The following MYO16 variants were observed in gnomAD, a reference collection of about 807,000 sequenced individuals.
MYO16 encodes myosin XVI.
A neutral mutation model predicts 205.3 loss-of-function variants in MYO16; 94 were observed. The observed-to-expected ratio is 0.46, with a 90% CI of 0.39 to 0.54. The LOEUF is 0.54. MYO16 is among the 20% of genes least tolerant of loss of function. The probability of loss-of-function intolerance (pLI) is 0.00; values close to 1 mark genes in which losing one functional copy is unlikely to be tolerated. For synonymous variants in MYO16, 988 were observed against 954.0 expected (o/e 1.04, Z -0.66); for missense variants, 2,315 against 2,387.5 (o/e 0.97, Z 0.63).
intron 24 of MYO16, among the ~76,000 whole-genome samples, chr13:109,049,663 G>A (rs1887173308): frequency 1.3e-5 from 2 of 151,914 alleles, no homozygotes; most frequent in African/African-American, 4.8e-5. Flanking sequence ...AGAATAAAAT[G>A]TTGCATTGCT....
In MYO16 at chr13:109,141,517, A is replaced by T. The variant is rs1459189286; in HGVS notation, c.5164+141A>T. 2.1e-5 allele frequency: 11 copies of T among 521,832 alleles called. No homozygotes were observed. Among genetic ancestry groups the T allele is most frequent in the African/African-American group, 6.1e-5 (3 of 48,858 alleles). 32.3% of individuals were successfully genotyped at this position (521,832 alleles called of 1,614,324 possible). On this transcript the variant is annotated intron_variant, in intron 32 of 34. Coordinates refer to ENST00000457511, the MANE Select transcript of MYO16 (RefSeq NM_001198950.3). This position sits in a 1 kb window ranked among gnomAD's most constrained non-coding sequence, Gnocchi z 4.1. ...GTCGTTCAGAGCAGATATCAGCTTT[A>T]AAAAAAAATCGTATACACCCACTGT... is the stretch of plus-strand genomic sequence containing the variant.
chr13:108,911,302 G>T (rs776937730), intron 16 of MYO16, among the ~76,000 whole-genome samples: 1 of 152,160 alleles, frequency 6.6e-6, no homozygotes, highest in Non-Finnish European at 1.5e-5. Context: ...TTAATAAACA[G>T]GTTGGTAATA....
intron 2 of MYO16, among the ~76,000 whole-genome samples, chr13:108,680,601 A>T (rs1566546672): frequency 6.6e-6 from 1 of 152,184 alleles, no homozygotes; most frequent in Non-Finnish European, 1.5e-5. Context: ...ACTTTTTAAA[A>T]CACCTTGAGG....
the MYO16 span, among the ~76,000 whole-genome samples, chr13:108,501,496 C>T: frequency 2.0e-5 from 3 of 152,238 alleles, no homozygotes; most frequent in Admixed American, 1.3e-4. Context: ...GAGACTGAAT[C>T]ATTTATTCAG....
At chr13:108,720,480 A>G (rs1884120967) in intron 3 of MYO16, among the ~76,000 whole-genome samples, 1 of 152,228 alleles carries the variant, frequency 6.6e-6, no homozygotes, top group Non-Finnish European at 1.5e-5. Flanking sequence ...CTGAGAACTC[A>G]TAAACATAGG....
At chr13:108,820,965 A>C (rs2139016549) in intron 8 of MYO16, among the ~76,000 whole-genome samples, 1 of 152,180 alleles carries the variant, frequency 6.6e-6, no homozygotes, top group South Asian at 2.1e-4. Context: ...CCTTTTGTAT[A>C]TTCATATACT....
intron 23 of MYO16, among the ~76,000 whole-genome samples, chr13:109,040,205 A>G (rs1886836321): frequency 6.6e-6 from 1 of 152,138 alleles, no homozygotes; most frequent in African/African-American, 2.4e-5. Flanking sequence ...AAAGCTTCCT[A>G]TTCCAGATTG....
At chr13:108,729,435 G>T (rs1010885828) in intron 4 of MYO16, among the ~76,000 whole-genome samples, 9 of 152,234 alleles carry the variant, frequency 5.9e-5, no homozygotes, top group African/African-American at 2.2e-4. Flanking sequence ...TCAACTAGCT[G>T]CTTTAATTAT....
intron 27 of MYO16, among the ~76,000 whole-genome samples, chr13:109,080,622 T>G (rs997390818): frequency 3.9e-5 from 6 of 152,006 alleles, no homozygotes; most frequent in Admixed American, 6.6e-5. Context: ...AACTGCCACC[T>G]TCTTTGTCCA....
At chr13:109,185,659 T>A (rs1374614672) in intron 34 of MYO16, among the ~76,000 whole-genome samples, 1 of 152,232 alleles carries the variant, frequency 6.6e-6, no homozygotes, top group East Asian at 1.9e-4. Flanking sequence ...TCACCTTTAA[T>A]AAGTCTTAAC....
At chr13:108,815,285 T>C (rs1304287966) in intron 7 of MYO16, among the ~76,000 whole-genome samples, 1 of 152,164 alleles carries the variant, frequency 6.6e-6, no homozygotes, top group Non-Finnish European at 1.5e-5. Context: ...GCAGAACCTG[T>C]CAATATATTA....
At chr13:108,608,427 T>C (rs1284689089) in intron 1 of MYO16, among the ~76,000 whole-genome samples, 1 of 152,142 alleles carries the variant, frequency 6.6e-6, no homozygotes, top group Non-Finnish European at 1.5e-5. Context: ...GTCTTAAAGC[T>C]TTCTCATCGG....
chr13:108,530,973 A>G, the MYO16 span, among the ~76,000 whole-genome samples: 1 of 151,814 alleles, frequency 6.6e-6, no homozygotes, highest in Non-Finnish European at 1.5e-5. Context: ...TGTTACCTTC[A>G]TAGTTATGGA....
At chr13:108,595,670 A>G (rs1878530546), upstream of MYO16, among the ~76,000 whole-genome samples, 5 of 152,036 alleles carry the variant, frequency 3.3e-5, no homozygotes, top group South Asian at 8.3e-4. Context: ...ACTTGGCCCT[A>G]AGCAGCCTCT....
intron 1 of MYO16, among the ~76,000 whole-genome samples, chr13:108,611,479 A>G (rs1366142462): frequency 6.6e-6 from 1 of 152,226 alleles, no homozygotes; most frequent in Non-Finnish European, 1.5e-5. Flanking sequence ...CCTCACCAAG[A>G]GCCTTATAAA....
chr13:108,774,365 C>G (rs1179665353), intron 4 of MYO16, among the ~76,000 whole-genome samples: 2 of 152,164 alleles, frequency 1.3e-5, no homozygotes, highest in East Asian at 3.9e-4. Context: ...ACTCCAGAAA[C>G]ATAGTTTAGG....
At chr13:108,847,639 G>A (rs570473963) in intron 10 of MYO16, among the ~76,000 whole-genome samples, 50 of 151,896 alleles carry the variant, frequency 3.3e-4, no homozygotes, top group South Asian at 2.1e-3. Flanking sequence ...CTTATCAAAT[G>A]GTAACTGTGT....
At chr13:108,657,728 A>T (rs567245450) in intron 1 of MYO16, among the ~76,000 whole-genome samples, 1 of 152,306 alleles carries the variant, frequency 6.6e-6, no homozygotes, top group Non-Finnish European at 1.5e-5. Flanking sequence ...TAGCTGACTC[A>T]TAGGGTGTGT....
chr13:108,970,053 T>A (rs1883950738), intron 20 of MYO16, among the ~76,000 whole-genome samples: 2 of 152,222 alleles, frequency 1.3e-5, no homozygotes, highest in Non-Finnish European at 2.9e-5. Context: ...ATTGCAAACC[T>A]TTGAACCAGA....
Sources: allele counts gnomAD v4.1 joint callset (sites outside exome capture counted in the v4.1 genomes callset), GRCh38; gene constraint gnomAD v4.1.1; non-coding constraint Gnocchi (gnomAD v3.1); transcripts MANE v1.5; gene names NCBI Gene and HGNC (gene_info 2026-07-23, HGNC 2026-07-21).